Variants in CTNNA3 observed in about 807,000 individuals in gnomAD.
CTNNA3 encodes the protein catenin alpha 3.
CTNNA3 carries 76 observed loss-of-function variants against 95.7 expected under a neutral mutation model. The ratio of observed to expected loss-of-function variants is 0.79; its 90% CI spans 0.66 to 0.96. CTNNA3 has a LOEUF of 0.96. Ranked by LOEUF, CTNNA3 falls within the 40% of genes least tolerant of loss-of-function variation. The probability of loss-of-function intolerance (pLI) is 0.00; values close to 1 mark genes in which losing one functional copy is unlikely to be tolerated. For synonymous variants in CTNNA3, 431 were observed against 374.4 expected (o/e 1.15, Z -1.74); for missense variants, 1,191 against 1,089.8 (o/e 1.09, Z -1.31).
At chr10:67,041,237 G>C (rs922210602) in intron 7 of CTNNA3, among the ~76,000 whole-genome samples, 2 of 152,090 alleles carry the variant, frequency 1.3e-5, no homozygotes, top group Admixed American at 6.6e-5. Flanking sequence ...GATGTGATGA[G>C]CTAGTGTTAG....
At chr10:66,190,256 T>C (rs988703717) in intron 13 of CTNNA3, among the ~76,000 whole-genome samples, 2 of 152,032 alleles carry the variant, frequency 1.3e-5, no homozygotes, top group Non-Finnish European at 2.9e-5. Flanking sequence ...GAGGCAGGAA[T>C]ACAATGAGAT....
intron 10 of CTNNA3, among the ~76,000 whole-genome samples, chr10:66,597,694 G>T (rs895303331): frequency 2.0e-5 from 3 of 150,974 alleles, no homozygotes; most frequent in African/African-American, 7.3e-5. Context: ...CAGAAAACTT[G>T]CAGGCACAGG....
In CTNNA3 at chr10:67,001,005, C is replaced by T. The variant is rs538115495; in HGVS notation, c.1047+179312G>A. 1.0e-3 allele frequency among the ~76,000 whole-genome samples: 158 copies of T among 151,884 alleles called. 2 individuals carry two copies. Among genetic ancestry groups the T allele is most frequent in the African/African-American group, 1.3e-3 (54 of 41,476 alleles). On this transcript the variant is annotated intron_variant, in intron 7 of 17. Transcript: ENST00000433211. ...TAGGAAGGAATAGTCCAAGAAAGGA[C>T]GATAAAAATTAAATAGGCCAGGTGC...
In CTNNA3 at chr10:66,540,381, T is replaced by A. The variant is rs777013087; in HGVS notation, c.1375-19608A>T. 3.2e-4 allele frequency among the ~76,000 whole-genome samples: 49 copies of A among 152,134 alleles called. 1 individual carries two copies. Among genetic ancestry groups the A allele is most frequent in the Non-Finnish European group, 1.6e-4 (11 of 68,008 alleles). On this transcript the variant is annotated intron_variant, in intron 10 of 17. Coordinates refer to ENST00000433211, the MANE Select transcript of CTNNA3 (RefSeq NM_013266.4). ...CTTCTCAGAAAGTTAGATGGTTATC[T>A]GTGAGATGAGCAGAAACTGAGGGAC...
At chr10:66,401,847 CG>C (rs1442351669) in intron 11 of CTNNA3, among the ~76,000 whole-genome samples, 1 of 151,692 alleles carries the variant, frequency 6.6e-6, no homozygotes, top group Non-Finnish European at 1.5e-5. Context: ...TTAGTAGAGA[CG>C]GGGTTTCGCC....
chr10:67,079,665 T>G (rs543821331), intron 7 of CTNNA3, among the ~76,000 whole-genome samples: 48 of 151,966 alleles, frequency 3.2e-4, no homozygotes, highest in African/African-American at 1.1e-3. Context: ...CTGGCCAATA[T>G]AGTGAAACCC....
At position 66,768,583 on chromosome 10, in the gene CTNNA3, T is replaced by A. The variant is rs772139462; in HGVS notation, c.1129-2167A>T. Among the ~76,000 whole-genome samples the A allele has an allele frequency of 4.0e-4, 61 of 152,296 alleles. 1 individual carries two copies. Among genetic ancestry groups the A allele is most frequent in the Admixed American group, 3.5e-3 (54 of 15,288 alleles). On this transcript the variant is annotated intron_variant, in intron 8 of 17. Transcript: ENST00000433211. ...CTATAATATTCCCATCATGGACTTG[T>A]TAAATCTTCTCTGCTGTGTAAATGA...
chr10:66,889,486 A>C (rs1589380570), intron 7 of CTNNA3, among the ~76,000 whole-genome samples: 1 of 152,336 alleles, frequency 6.6e-6, no homozygotes, highest in Middle Eastern at 3.4e-3. Context: ...TGTATGTGGT[A>C]AATCTATCTT....
intron 5 of CTNNA3, among the ~76,000 whole-genome samples, chr10:67,241,138 GGGCCAGGGGTGAT>G (rs1190101432): frequency 6.6e-6 from 1 of 152,116 alleles, no homozygotes; most frequent in Non-Finnish European, 1.5e-5. Context: ...CCATAGGTCA[GGGCCAGGGGTGAT>G]GGCTCATGCC....
intron 13 of CTNNA3, among the ~76,000 whole-genome samples, chr10:66,248,761 C>T (rs772825945): frequency 1.3e-5 from 2 of 151,906 alleles, no homozygotes; most frequent in Non-Finnish European, 2.9e-5. Context: ...TATTCTTAGC[C>T]CTAAAGAGAG....
At chr10:66,708,643 A>T (rs2132596669) in intron 9 of CTNNA3, among the ~76,000 whole-genome samples, 1 of 152,238 alleles carries the variant, frequency 6.6e-6, no homozygotes, top group Non-Finnish European at 1.5e-5. Context: ...GAGGCCAGAG[A>T]GCTGTCATGA....
intron 5 of CTNNA3, among the ~76,000 whole-genome samples, chr10:67,329,828 C>CAA (rs34838887): frequency 6.6e-6 from 1 of 152,116 alleles, no homozygotes; most frequent in Non-Finnish European, 1.5e-5. Flanking sequence ...TTTGCTTTCA[C>CAA]AAAAAAAGTC....
At chr10:66,570,956 C>T (rs540789322) in intron 10 of CTNNA3, among the ~76,000 whole-genome samples, 38 of 152,198 alleles carry the variant, frequency 2.5e-4, no homozygotes, top group African/African-American at 9.2e-4. Context: ...TCCTAATACA[C>T]CAAGAAATAA....
chr10:67,372,406 C>T (rs977317192), intron 5 of CTNNA3, among the ~76,000 whole-genome samples: 8 of 151,588 alleles, frequency 5.3e-5, no homozygotes, highest in Non-Finnish European at 7.4e-5. Context: ...TGAAATGAAG[C>T]GTGAAGAGAA....
At chr10:67,286,538 A>G (rs1213409277) in intron 5 of CTNNA3, among the ~76,000 whole-genome samples, 3 of 152,228 alleles carry the variant, frequency 2.0e-5, no homozygotes, top group African/African-American at 7.2e-5. Context: ...AATAGCTGGC[A>G]CAGAGTTGAC....
intron 3 of CTNNA3, among the ~76,000 whole-genome samples, chr10:67,604,690 A>G (rs1197849071): frequency 6.6e-6 from 1 of 152,164 alleles, no homozygotes; most frequent in Non-Finnish European, 1.5e-5. Flanking sequence ...CCCTGAACCT[A>G]AAATAAAAGT....
At chr10:66,154,719 CATATATATAT>C (rs569694429) in intron 13 of CTNNA3, among the ~76,000 whole-genome samples, 8 of 74,812 alleles carry the variant, frequency 1.1e-4, no homozygotes, top group African/African-American at 2.7e-4. Flanking sequence ...TGAAAAAGTT[CATATATATAT>C]ATATATATAT....
At chr10:67,633,475 T>C (rs1015285000) in intron 2 of CTNNA3, among the ~76,000 whole-genome samples, 1 of 152,082 alleles carries the variant, frequency 6.6e-6, no homozygotes, top group Non-Finnish European at 1.5e-5. Flanking sequence ...TACAGGCACA[T>C]TAGGAACAGC....
intron 2 of CTNNA3, among the ~76,000 whole-genome samples, chr10:67,612,150 A>AC (rs903194036): frequency 2.6e-5 from 4 of 151,582 alleles, no homozygotes; most frequent in African/African-American, 4.8e-5. Context: ...AACATTCAAC[A>AC]CCCCCCCAAA....
Sources: allele counts gnomAD v4.1 joint callset (sites outside exome capture counted in the v4.1 genomes callset), GRCh38; gene constraint gnomAD v4.1.1; transcripts MANE v1.5; gene names NCBI Gene and HGNC (gene_info 2026-07-23, HGNC 2026-07-21).